CRACD: variants seen among roughly 807,000 people sequenced by gnomAD.
CRACD encodes capping protein-inhibiting regulator of actin dynamics.
CRACD carries 56 observed loss-of-function variants against 106.8 expected under a neutral mutation model. The ratio of observed to expected loss-of-function variants is 0.52; its 90% confidence interval spans 0.42 to 0.66. The LOEUF (loss-of-function observed/expected upper bound fraction) is 0.66, where lower values mean the gene tolerates loss of function less well. CRACD is among the 30% of genes least tolerant of loss of function. CRACD has a pLI of 0.00. For missense variants in CRACD, 1,730 were observed against 1,623.2 expected (o/e 1.07, Z -1.13); for synonymous variants, 754 against 670.8 (o/e 1.12, Z -1.92).
chr4:56,090,029 G>C (rs1302547177), intron 1 of CRACD, among the ~76,000 whole-genome samples: 1 of 151,882 alleles, frequency 6.6e-6, no homozygotes, highest in Non-Finnish European at 1.5e-5. Context: ...ATTCTGAGGG[G>C]CATCTAGGGG....
At chr4:56,089,340 A>G (rs1733338299) in intron 1 of CRACD, among the ~76,000 whole-genome samples, 2 of 151,940 alleles carry the variant, frequency 1.3e-5, no homozygotes, top group South Asian at 2.1e-4. Context: ...TGCTGCTTTT[A>G]TTACTTGAGG....
chr4:56,214,524 G>A (rs990236254), intron 2 of CRACD, among the ~76,000 whole-genome samples: 19 of 151,758 alleles, frequency 1.3e-4, no homozygotes, highest in East Asian at 3.9e-4. Context: ...CCCGGGAGGC[G>A]GAGGTTGCAG....
intron 1 of CRACD, among the ~76,000 whole-genome samples, chr4:56,097,715 G>T (rs1326731292): frequency 6.6e-6 from 1 of 152,180 alleles, no homozygotes; most frequent in Non-Finnish European, 1.5e-5. Flanking sequence ...GTGAACAATG[G>T]TGAAAGGGTC....
chr4:56,314,652 G>C lies in CRACD; in HGVS notation c.1150G>C (p.Glu384Gln), dbSNP rs915753139. The C allele has an allele frequency of 2.2e-5, 34 of 1,545,884 alleles. No individual in the cohort carries two copies. Among genetic ancestry groups the C allele is most frequent in the Non-Finnish European group, 2.9e-5 (33 of 1,144,164 alleles). The change falls in exon 8 of 11, where the codon GAG becomes CAG. Residue 384 changes from glutamate (E) to glutamine (Q), a missense_variant. Glu to Gln is a conservative substitution (Grantham distance 29). Transcript: ENST00000682029. This position sits in a 1 kb window ranked among gnomAD's most constrained non-coding sequence, Gnocchi z 4.4. The stretch of plus-strand genomic sequence containing the variant: ...GGAGGCGGAGGTGCAGGGGCCGCCC[G>C]AGGCGTTGGAGGAGACTGGGGAGGG... ...QQEAEVQGPP[E>Q]ALEETGEGRR...
rs754752604 is a variant in CRACD, at chr4:56,316,346, C to T, written c.2844C>T (p.His948=). 1.9e-6 allele frequency: 3 copies of T among 1,613,924 alleles called. No homozygotes were observed. The highest frequency in any genetic ancestry group is 2.2e-5 in the East Asian group (1 of 44,874). Residue 948 remains histidine, a synonymous_variant, in exon 8 of 11, where the codon CAC becomes CAT. Transcript: ENST00000682029. ...PASSQTPAPE[H]DKAANKMPLA... ...GCAGCCAGACCCCGGCTCCGGAGCA[C>T]GACAAGGCAGCAAACAAAATGCCAC...
chr4:56,283,787 T>C (rs1743169734), intron 3 of CRACD, among the ~76,000 whole-genome samples: 1 of 152,186 alleles, frequency 6.6e-6, no homozygotes, highest in South Asian at 2.1e-4. Flanking sequence ...ACATTTTCTT[T>C]AGGTAGAGTG....
At chr4:56,287,632 T>A (rs1743447995) in intron 3 of CRACD, among the ~76,000 whole-genome samples, 1 of 152,106 alleles carries the variant, frequency 6.6e-6, no homozygotes, top group African/African-American at 2.4e-5. Context: ...TTGCTATGGT[T>A]CCCAGGCTGA....
intron 2 of CRACD, among the ~76,000 whole-genome samples, chr4:56,262,015 GTACTAAAAAGAGTCACA>G (rs1355693653): frequency 6.6e-6 from 1 of 152,126 alleles, no homozygotes; most frequent in Non-Finnish European, 1.5e-5. Context: ...AAGAGTCACC[GTACTAAAAAGAGTCACA>G]TACTAAAAAG....
rs1745558557 is a variant in CRACD at position 56,315,516 on chromosome 4, C to T, written c.2014C>T (p.Arg672Trp). The part of the protein sequence containing the change: ...ASALAEWASI[R>W]SRILKNAESD... The stretch of plus-strand genomic sequence containing the variant: ...CGCACTCGCAGAATGGGCTTCCATT[C>T]GGTCCAGAATCCTGAAGAACGCAGA... Residue 672 changes from arginine (R) to tryptophan (W), a missense_variant, in exon 8 of 11, where the codon CGG (arginine) becomes TGG (tryptophan). Transcript: ENST00000682029. The surrounding 1 kb of genome is among the most constrained non-coding windows in gnomAD (Gnocchi z 4.1). The T allele has an allele frequency of 3.1e-6, 5 of 1,613,898 alleles. No individual in the cohort carries two copies. The highest frequency in any genetic ancestry group is 4.2e-6 in the Non-Finnish European group (5 of 1,180,010).
intron 1 of CRACD, among the ~76,000 whole-genome samples, chr4:56,082,613 CA>C (rs753695702): frequency 2.0e-5 from 3 of 151,992 alleles, no homozygotes; most frequent in Non-Finnish European, 2.9e-5. Context: ...CGTAAGGAAA[CA>C]GAACTCAAAG....
At chr4:56,181,575 A>C (rs987775828) in intron 2 of CRACD, among the ~76,000 whole-genome samples, 1 of 152,218 alleles carries the variant, frequency 6.6e-6, no homozygotes, top group African/African-American at 2.4e-5. Context: ...GCTTAAAACA[A>C]CAGAAGTGTA....
intron 1 of CRACD, among the ~76,000 whole-genome samples, chr4:56,102,730 C>T (rs921427701): frequency 2.6e-5 from 4 of 152,176 alleles, no homozygotes; most frequent in East Asian, 1.9e-4. Context: ...TGTTTAACAT[C>T]GTCTGCTGGA....
intron 1 of CRACD, among the ~76,000 whole-genome samples, chr4:56,171,082 A>T (rs894983720): frequency 1.1e-4 from 16 of 152,280 alleles, no homozygotes; most frequent in African/African-American, 3.4e-4. Flanking sequence ...TAAGATTTTT[A>T]AAAAAACTAA....
intron 3 of CRACD, among the ~76,000 whole-genome samples, chr4:56,283,953 CT>C (rs1163341574): frequency 6.6e-6 from 1 of 152,150 alleles, no homozygotes; most frequent in Non-Finnish European, 1.5e-5. Context: ...CAAAAGAAAC[CT>C]TGAGAGAGGC....
At chr4:56,208,970 GTC>G (rs149819067) in intron 2 of CRACD, among the ~76,000 whole-genome samples, 3 of 151,998 alleles carry the variant, frequency 2.0e-5, no homozygotes, top group African/African-American at 7.2e-5. Context: ...GGCAGAATCT[GTC>G]TCTCTCTCTC....
chr4:56,262,518 ATT>A (rs57264319), intron 2 of CRACD, among the ~76,000 whole-genome samples: 7 of 151,574 alleles, frequency 4.6e-5, no homozygotes, highest in South Asian at 2.1e-4. Context: ...TTTTTTTGTG[ATT>A]TTTTTTTATA....
intron 2 of CRACD, among the ~76,000 whole-genome samples, chr4:56,217,956 T>C (rs1738798360): frequency 6.6e-6 from 1 of 152,058 alleles, no homozygotes; most frequent in Non-Finnish European, 1.5e-5. Flanking sequence ...TGAGGGAGAA[T>C]CTTCTTCTTG....
At chr4:56,182,870 TGTGTGTG>T (rs1426454244) in intron 2 of CRACD, among the ~76,000 whole-genome samples, 2 of 75,474 alleles carry the variant, frequency 2.6e-5, no homozygotes, top group Non-Finnish European at 6.5e-5. Context: ...GATATGTGTG[TGTGTGTG>T]TGTGTGTGTG....
At chr4:56,081,398 T>C (rs1488712163) in intron 1 of CRACD, among the ~76,000 whole-genome samples, 1 of 152,216 alleles carries the variant, frequency 6.6e-6, no homozygotes, top group African/African-American at 2.4e-5. Context: ...TCTGCCCTTA[T>C]TCATTCAACT....
Sources: gnomAD v4.1 joint callset for allele counts (sites outside exome capture counted in the v4.1 genomes callset) on GRCh38, gnomAD v4.1.1 for gene constraint, Gnocchi (gnomAD v3.1) non-coding constraint, MANE v1.5 for transcripts, NCBI Gene and HGNC (gene_info 2026-07-23, HGNC 2026-07-21) for gene names.